The following DTNA variants were observed in gnomAD, a reference collection of about 807,000 sequenced individuals.
DTNA encodes dystrobrevin alpha, also known as dystrophin-related protein 3.
In DTNA, 43 loss-of-function variants were observed where a neutral mutation model predicts 100.7. That is an observed-to-expected ratio of 0.43 (90% CI 0.33 to 0.55). The LOEUF (loss-of-function observed/expected upper bound fraction) is 0.55, where lower values mean the gene tolerates loss of function less well. Among genes scored for constraint, DTNA ranks in the 20% least tolerant of loss-of-function variants. The pLI, the probability that DTNA is intolerant of heterozygous loss-of-function variation, is 0.04. For synonymous variants in DTNA, 349 were observed against 347.9 expected, an observed-to-expected ratio of 1.00 and a Z score of -0.04; for missense variants, 798 against 953.9, an observed-to-expected ratio of 0.84 and a Z score of 2.15.
intron 1 of DTNA, among the ~76,000 whole-genome samples, chr18:34,719,443 T>A (rs1374129495): frequency 1.3e-5 from 2 of 152,138 alleles, no homozygotes; most frequent in African/African-American, 4.8e-5. Flanking sequence ...ATTTTACAGA[T>A]GAAGAAATTA....
chr18:34,652,503 G>A (rs1020031228), intron 1 of DTNA, among the ~76,000 whole-genome samples: 2 of 152,098 alleles, frequency 1.3e-5, no homozygotes, highest in Non-Finnish European at 2.9e-5. Flanking sequence ...AGAATTCAGG[G>A]AGCATTTACT....
In DTNA at chr18:34,805,801, T is replaced by A. The variant is rs1234160365; in HGVS notation, c.363-418T>A. Among the ~76,000 whole-genome samples the A allele has an allele frequency of 6.2e-5, 9 of 146,310 alleles. No homozygotes were observed. In the East Asian group the frequency reaches 1.0e-3, roughly 17 times the overall value. ...ATTCTCTGACAAAAAAAAAAAAAAATGATGTTTCTGAAGCTCTGTTTAAGT... is the reference window on the plus strand; with the variant it reads ...ATTCTCTGACAAAAAAAAAAAAAAAAGATGTTTCTGAAGCTCTGTTTAAGT... On this transcript the variant is annotated intron_variant, in intron 4 of 22. Transcript: ENST00000444659.
At chr18:34,610,748 A>G (rs2054060402) in intron 1 of DTNA, among the ~76,000 whole-genome samples, 1 of 152,240 alleles carries the variant, frequency 6.6e-6, no homozygotes, top group South Asian at 2.1e-4. Flanking sequence ...TGTAAACTGT[A>G]TGACTTCAGC....
intron 1 of DTNA, among the ~76,000 whole-genome samples, chr18:34,585,982 C>G (rs2049094610): frequency 6.6e-6 from 1 of 152,152 alleles, no homozygotes; most frequent in Admixed American, 6.5e-5. Flanking sequence ...TTCCCAGGTT[C>G]ATGGAGGGCT....
Position 34,505,038 on chromosome 18 carries a change from A to G in DTNA, c.-2+11524A>G, listed in dbSNP as rs572134273. Among the ~76,000 whole-genome samples, 13 of 152,336 alleles carry G rather than the reference A, an allele frequency of 8.5e-5. No homozygotes were observed. In the South Asian group the frequency reaches 1.4e-3, roughly 17 times the overall value. ...GCTGTAACAAATTACCATACAGTGC[A>G]TGCCTTACAGAAGTGCACATGTACT... On this transcript the variant is annotated intron_variant, in intron 1 of 19. Coordinates refer to the DTNA transcript ENST00000283365.
At chr18:34,493,851 G>T (rs1461015636) in intron 1 of DTNA, 1 of 148,190 alleles carries the variant, frequency 6.7e-6, no homozygotes, top group Non-Finnish European at 1.5e-5. Context: ...CACTCACGGG[G>T]TTCCCACCTG....
intron 1 of DTNA, among the ~76,000 whole-genome samples, chr18:34,625,542 A>G (rs2057204997): frequency 6.6e-6 from 1 of 152,244 alleles, no homozygotes; most frequent in African/African-American, 2.4e-5. Context: ...ATACAAACAT[A>G]TGATATGACC....
intron 1 of DTNA, among the ~76,000 whole-genome samples, chr18:34,720,694 A>G (rs867693633): frequency 8.5e-5 from 13 of 152,294 alleles, no homozygotes; most frequent in South Asian, 8.3e-4. Flanking sequence ...CGACCACCCA[A>G]TAAGAGGACA....
chr18:34,875,504 G>A, intron 18 of DTNA, 106 bp downstream of exon 18: 2 of 1,511,784 alleles, frequency 1.3e-6, no homozygotes, highest in Non-Finnish European at 1.8e-6. Context: ...ACTATTGTAG[G>A]GTCTTTCATG....
intron 1 of DTNA, among the ~76,000 whole-genome samples, chr18:34,716,234 A>G (rs932463002): frequency 6.6e-6 from 1 of 152,176 alleles, no homozygotes; most frequent in Non-Finnish European, 1.5e-5. Context: ...TAGAAAACAC[A>G]TGAGCTCGTA....
At chr18:34,728,401 T>TA (rs1330805175) in intron 1 of DTNA, among the ~76,000 whole-genome samples, 1 of 152,132 alleles carries the variant, frequency 6.6e-6, no homozygotes, top group Non-Finnish European at 1.5e-5. Flanking sequence ...TTAAAAAATT[T>TA]AAAAAAATAA....
chr18:34,507,278 C>A (rs369305449), intron 1 of DTNA, among the ~76,000 whole-genome samples: 1 of 152,276 alleles, frequency 6.6e-6, no homozygotes, highest in African/African-American at 2.4e-5. Flanking sequence ...ACTAAATGCT[C>A]TTTGTTTCCA....
chr18:34,673,292 A>G lies in DTNA; in HGVS notation c.-1-82684A>G, dbSNP rs567349770. Among the ~76,000 whole-genome samples the G allele has an allele frequency of 7.9e-5, 12 of 151,924 alleles. No individual in the cohort carries two copies. In the East Asian group the frequency reaches 2.3e-3, roughly 29 times the overall value. On this transcript the variant is annotated intron_variant, in intron 1 of 19. Coordinates refer to the DTNA transcript ENST00000283365. ...GTATTATTATTATTATTTTTTCTCTATACAATTTCTGAGATACTTACGTAA... is the reference window on the plus strand; with the variant it reads ...GTATTATTATTATTATTTTTTCTCTGTACAATTTCTGAGATACTTACGTAA...
chr18:34,872,245 C>T (rs1044264953), intron 17 of DTNA, among the ~76,000 whole-genome samples: 1 of 152,084 alleles, frequency 6.6e-6, no homozygotes, highest in Non-Finnish European at 1.5e-5. Flanking sequence ...CAGCCCAGTG[C>T]ACTAGGAGAT....
chr18:34,765,126 G>A (rs898180529), intron 2 of DTNA, among the ~76,000 whole-genome samples: 9 of 152,148 alleles, frequency 5.9e-5, no homozygotes, highest in Non-Finnish European at 1.2e-4. Context: ...AACTGCAGAC[G>A]AGCTTGGATT....
chr18:34,848,987 T>C (rs1021771138), intron 14 of DTNA, among the ~76,000 whole-genome samples: 5 of 152,222 alleles, frequency 3.3e-5, no homozygotes, highest in African/African-American at 1.2e-4. Flanking sequence ...GAGCCCTTCA[T>C]GCTGAGCATT....
intron 17 of DTNA, chr18:34,867,044 TA>T: frequency 8.1e-7 from 1 of 1,227,894 alleles, no homozygotes; most frequent in South Asian, 4.3e-5. Flanking sequence ...AAAGCAGCTT[TA>T]ATTTCAAGTG....
intron 1 of DTNA, among the ~76,000 whole-genome samples, chr18:34,726,502 T>C (rs1426286888): frequency 6.6e-6 from 1 of 152,156 alleles, no homozygotes; most frequent in Non-Finnish European, 1.5e-5. Context: ...ACAGTAATAC[T>C]ACAGGCATTG....
At chr18:34,838,216 T>A in intron 12 of DTNA, 45 bp downstream of exon 12, 1 of 1,597,006 alleles carries the variant, frequency 6.3e-7, no homozygotes, top group Non-Finnish European at 8.6e-7. Flanking sequence ...TTAACTAAAC[T>A]AAAAATGGAG....
Sources: allele counts gnomAD v4.1 joint callset (sites outside exome capture counted in the v4.1 genomes callset), GRCh38; gene constraint gnomAD v4.1.1; transcripts MANE v1.5; gene names NCBI Gene and HGNC (gene_info 2026-07-23, HGNC 2026-07-21).